The following NAV2 variants were observed in gnomAD, a reference collection of about 807,000 sequenced individuals.
The protein encoded by NAV2 is neuron navigator 2, also known as helicase, APC down-regulated 1.
A neutral mutation model predicts 223.2 loss-of-function variants in NAV2; 54 were observed. That is an observed-to-expected ratio of 0.24 (90% CI 0.19 to 0.30). The LOEUF (loss-of-function observed/expected upper bound fraction) is 0.30, where lower values mean the gene tolerates loss of function less well. Among genes scored for constraint, NAV2 ranks in the 10% least tolerant of loss-of-function variants. The pLI is 1.00. For synonymous variants in NAV2, 1,279 were observed against 1,239.3 expected, an observed-to-expected ratio of 1.03 and a Z score of -0.67; for missense variants, 2,806 against 3,147.5, an observed-to-expected ratio of 0.89 and a Z score of 2.60.
intron 1 of NAV2, among the ~76,000 whole-genome samples, chr11:19,559,430 C>T (rs2045019253): frequency 6.6e-6 from 1 of 152,102 alleles, no homozygotes; most frequent in Non-Finnish European, 1.5e-5. Context: ...AAGACAACCA[C>T]CAAATAGAAT....
intron 1 of NAV2, among the ~76,000 whole-genome samples, chr11:19,744,247 G>A (rs2053136611): frequency 6.6e-6 from 1 of 152,316 alleles, no homozygotes; most frequent in East Asian, 1.9e-4. Context: ...GAGACCTGGA[G>A]TGAAGGCCTA....
chr11:19,648,363 C>T (rs2047874976), intron 1 of NAV2, among the ~76,000 whole-genome samples: 1 of 152,170 alleles, frequency 6.6e-6, no homozygotes, highest in Non-Finnish European at 1.5e-5. Flanking sequence ...TGACATCAGC[C>T]ATGATGGGAA....
rs139577443 is a variant in NAV2, at chr11:20,110,933, T to C, written c.6960+3151T>C. On this transcript the variant is annotated intron_variant, in intron 36 of 37. Transcript: ENST00000349880. ...GGCTACCGTGCACCAGGAGCTGGGA[T>C]GGAGCGCTGCCCATGGTAGTATGGA... Among the ~76,000 whole-genome samples the C allele has an allele frequency of 1.9e-3, 288 of 152,230 alleles. 1 individual carries two copies. The highest frequency in any genetic ancestry group is 6.6e-3 in the African/African-American group (275 of 41,544).
intron 1 of NAV2, among the ~76,000 whole-genome samples, chr11:19,793,083 C>A (rs2152734749): frequency 6.6e-6 from 1 of 151,740 alleles, no homozygotes; most frequent in Non-Finnish European, 1.5e-5. Context: ...GTGGTGGGCA[C>A]CTGTAATCCC....
intron 11 of NAV2, among the ~76,000 whole-genome samples, chr11:19,986,542 C>A (rs1200652896): frequency 6.8e-6 from 1 of 146,894 alleles, no homozygotes; most frequent in Admixed American, 6.6e-5. Context: ...ATTGCTTGAA[C>A]CCGGGAGGCA....
chr11:19,524,920 A>G (rs1318644949), intron 1 of NAV2, among the ~76,000 whole-genome samples: 3 of 152,186 alleles, frequency 2.0e-5, no homozygotes, highest in Admixed American at 6.5e-5. Context: ...AGTGGCATAT[A>G]AGATCAGTGT....
chr11:19,464,187 A>G (rs1320237201), intron 1 of NAV2, among the ~76,000 whole-genome samples: 5 of 152,174 alleles, frequency 3.3e-5, no homozygotes, highest in Non-Finnish European at 5.9e-5. Flanking sequence ...AGCTGACTGC[A>G]GGCTACACTC....
chr11:19,750,563 A>G (rs2053722808), intron 1 of NAV2, among the ~76,000 whole-genome samples: 1 of 152,138 alleles, frequency 6.6e-6, no homozygotes, highest in African/African-American at 2.4e-5. Flanking sequence ...CTGCCTTGGG[A>G]GCCCTCACCC....
chr11:19,875,157 A>G (rs1163434985), intron 4 of NAV2, among the ~76,000 whole-genome samples: 1 of 152,210 alleles, frequency 6.6e-6, no homozygotes, highest in African/African-American at 2.4e-5. Context: ...ACTCTGTCTC[A>G]AAACGAACAA....
chr11:19,690,924 TTC>T, intron 1 of NAV2, among the ~76,000 whole-genome samples: 1 of 152,208 alleles, frequency 6.6e-6, no homozygotes, highest in East Asian at 1.9e-4. Context: ...ACCAAAGCTT[TTC>T]TCTTTCAAAG....
At chr11:19,587,032 C>T (rs1005051470) in intron 1 of NAV2, among the ~76,000 whole-genome samples, 13 of 152,216 alleles carry the variant, frequency 8.5e-5, no homozygotes, top group East Asian at 3.9e-4. Flanking sequence ...CCACCCAGTT[C>T]GAGCTTCACG....
intron 25 of NAV2, among the ~76,000 whole-genome samples, 184 bp from the exon 26 acceptor site, chr11:20,082,823 T>G (rs1347909225): frequency 6.6e-6 from 1 of 152,202 alleles, no homozygotes; most frequent in African/African-American, 2.4e-5. Context: ...TCCCTCAAGC[T>G]GGCAACACCA....
intron 11 of NAV2, among the ~76,000 whole-genome samples, chr11:19,985,705 T>C (rs1174215215): frequency 6.6e-6 from 1 of 152,014 alleles, no homozygotes; most frequent in East Asian, 1.9e-4. Flanking sequence ...GCCTCCCAAG[T>C]AGGTGAGATT....
chr11:19,662,975 A>G (rs1235109469), intron 1 of NAV2, among the ~76,000 whole-genome samples: 1 of 152,132 alleles, frequency 6.6e-6, no homozygotes, highest in Admixed American at 6.5e-5. Context: ...AGCCCTCCCC[A>G]GTTTCAGTCA....
chr11:19,492,292 A>C (rs763216509), intron 1 of NAV2, among the ~76,000 whole-genome samples: 3 of 152,178 alleles, frequency 2.0e-5, no homozygotes, highest in African/African-American at 7.2e-5. Context: ...AAAAAAAAAA[A>C]AACTCAATAC....
chr11:19,735,082 A>C (rs993846331), intron 1 of NAV2, among the ~76,000 whole-genome samples: 5 of 152,214 alleles, frequency 3.3e-5, no homozygotes, highest in African/African-American at 1.2e-4. Flanking sequence ...AGAGGAGTAA[A>C]TCAGAGAAGG....
intron 1 of NAV2, among the ~76,000 whole-genome samples, chr11:19,614,401 T>C (rs1159217304): frequency 6.6e-6 from 1 of 152,050 alleles, no homozygotes; most frequent in African/African-American, 2.4e-5. Flanking sequence ...TCCCTTTCTC[T>C]CTCTCTCTCT....
At chr11:19,866,977 G>A (rs1364145300) in intron 3 of NAV2, among the ~76,000 whole-genome samples, 1 of 152,094 alleles carries the variant, frequency 6.6e-6, no homozygotes, top group Non-Finnish European at 1.5e-5. Flanking sequence ...AGCAGTAGAA[G>A]AGAGATTTTA....
chr11:19,994,237 C>A (rs1459296719), intron 11 of NAV2, among the ~76,000 whole-genome samples: 1 of 152,166 alleles, frequency 6.6e-6, no homozygotes, highest in Non-Finnish European at 1.5e-5. Context: ...CCCTAAGTAT[C>A]TTTTGTCATG....
Sources: gnomAD v4.1 joint callset for allele counts (sites outside exome capture counted in the v4.1 genomes callset) on GRCh38, gnomAD v4.1.1 for gene constraint, MANE v1.5 for transcripts, NCBI Gene and HGNC (gene_info 2026-07-23, HGNC 2026-07-21) for gene names.